EBF3: variants seen among roughly 807,000 people sequenced by gnomAD.
The protein encoded by EBF3 is EBF transcription factor 3.
A neutral mutation model predicts 77.1 loss-of-function variants in EBF3; 18 were observed. The observed-to-expected ratio is 0.23, with a 90% CI of 0.16 to 0.35. The LOEUF is 0.35. Among genes scored for constraint, EBF3 ranks in the 10% least tolerant of loss-of-function variants. The pLI, the probability that EBF3 is intolerant of heterozygous loss-of-function variation, is 1.00. For synonymous variants in EBF3, 350 were observed against 343.5 expected, an observed-to-expected ratio of 1.02 and a Z score of -0.21; for missense variants, 558 against 860.0, an observed-to-expected ratio of 0.65 and a Z score of 4.39.
At chr10:129,852,675 A>AG (rs754683273) in intron 10 of EBF3, among the ~76,000 whole-genome samples, 7 of 152,254 alleles carry the variant, frequency 4.6e-5, no homozygotes, top group Non-Finnish European at 8.8e-5. Flanking sequence ...AAATTAAGCA[A>AG]GGGGACACGT....
intron 6 of EBF3, among the ~76,000 whole-genome samples, chr10:129,918,604 G>T (rs765510114): frequency 6.6e-6 from 1 of 152,154 alleles, no homozygotes; most frequent in Admixed American, 6.5e-5. Flanking sequence ...CTGTGTGTTC[G>T]CATGGTTGTT....
At chr10:129,882,356 A>C (rs913979381) in intron 6 of EBF3, among the ~76,000 whole-genome samples, 1 of 152,384 alleles carries the variant, frequency 6.6e-6, no homozygotes, top group East Asian at 1.9e-4. Flanking sequence ...GGTGTTGTTC[A>C]GGACAATCAG....
At position 129,843,152 on chromosome 10, in the gene EBF3, C is replaced by G; in HGVS notation, c.1179G>C (p.Met393Ile). The change falls in exon 12 of 17, where the codon ATG becomes ATC. Residue 393 changes from methionine to isoleucine, a missense_variant. Transcript: ENST00000440978. ...CTCCACCTACCTGGTTGTTGTGAGG[C>G]ATTCCGTATAAGGCTTCCACCAGGT... ...AADLVEALYG[M>I]PHNNQEIILK... is the part of the protein sequence containing the mutation. The G allele has an allele frequency of 6.2e-7, 1 of 1,613,496 alleles. No homozygotes were observed. The highest frequency in any genetic ancestry group is 2.2e-5 in the East Asian group (1 of 44,854).
rs1857985302 is a variant in EBF3, at chr10:129,943,926, T to C, written c.554+13332A>G. On this transcript the variant is annotated intron_variant, in intron 6 of 16. Coordinates refer to ENST00000440978, the MANE Select transcript of EBF3 (RefSeq NM_001375380.1). This position sits in a 1 kb window ranked among gnomAD's most constrained non-coding sequence, Gnocchi z 8.8. ...ACCGTAAAATGCTCGGTAAAACCAGTCGCTCTGAGGGTGCAGCGCGTGTGT... is the reference window on the plus strand; with the variant it reads ...ACCGTAAAATGCTCGGTAAAACCAGCCGCTCTGAGGGTGCAGCGCGTGTGT... Among the ~76,000 whole-genome samples the C allele has an allele frequency of 6.6e-6, 1 of 152,196 alleles. No homozygotes were observed. The highest frequency in any genetic ancestry group is 2.4e-5 in the African/African-American group (1 of 41,440).
intron 6 of EBF3, among the ~76,000 whole-genome samples, chr10:129,914,527 C>T (rs1331190174): frequency 1.3e-5 from 2 of 152,176 alleles, no homozygotes; most frequent in Non-Finnish European, 2.9e-5. Context: ...TGGCCGAAAA[C>T]AAAGTGAATC....
At chr10:129,945,736 A>G (rs1858160571) in intron 6 of EBF3, among the ~76,000 whole-genome samples, 1 of 152,186 alleles carries the variant, frequency 6.6e-6, no homozygotes. Context: ...CCTGGATCAG[A>G]ACACTCATAT....
At chr10:129,958,697 G>C (rs182910600) in intron 5 of EBF3, among the ~76,000 whole-genome samples, 1 of 152,270 alleles carries the variant, frequency 6.6e-6, no homozygotes, top group East Asian at 1.9e-4. Context: ...ACACTGCAAC[G>C]ACACGGCCCA....
chr10:129,919,715 A>T (rs983524872), intron 6 of EBF3, among the ~76,000 whole-genome samples: 1 of 152,204 alleles, frequency 6.6e-6, no homozygotes, highest in Admixed American at 6.5e-5. Context: ...GGATTTAAAA[A>T]TAACACTGGA....
intron 6 of EBF3, among the ~76,000 whole-genome samples, chr10:129,933,148 G>A (rs559498352): frequency 3.3e-5 from 5 of 152,226 alleles, no homozygotes; most frequent in African/African-American, 1.2e-4. Flanking sequence ...TCCTGATTCC[G>A]CCACGGTGAT....
chr10:129,913,498 A>G (rs950745136), intron 6 of EBF3, among the ~76,000 whole-genome samples: 1 of 152,284 alleles, frequency 6.6e-6, no homozygotes, highest in African/African-American at 2.4e-5. Flanking sequence ...GGGCCTGAGC[A>G]GTATGATGAA....
chr10:129,840,025 G>A (rs1231800520), intron 15 of EBF3, among the ~76,000 whole-genome samples: 2 of 152,250 alleles, frequency 1.3e-5, no homozygotes, highest in African/African-American at 4.8e-5. Flanking sequence ...AGGGTGAGCT[G>A]GACAAAAACC....
At chr10:129,924,932 G>C (rs1026799890) in intron 6 of EBF3, among the ~76,000 whole-genome samples, 1 of 152,118 alleles carries the variant, frequency 6.6e-6, no homozygotes, top group African/African-American at 2.4e-5. Flanking sequence ...CCGAAGCGCC[G>C]AGATGACAGG....
At chr10:129,942,623 C>T (rs942205619) in intron 6 of EBF3, among the ~76,000 whole-genome samples, 3 of 152,194 alleles carry the variant, frequency 2.0e-5, no homozygotes, top group Non-Finnish European at 2.9e-5. Context: ...CTACCACGTC[C>T]ACACAGGGTG....
chr10:129,850,154 G>A (rs1032507506), intron 10 of EBF3, among the ~76,000 whole-genome samples: 7 of 152,220 alleles, frequency 4.6e-5, no homozygotes, highest in African/African-American at 1.4e-4. Flanking sequence ...TAACGTGTCA[G>A]GTTTCTCCTC....
intron 4 of EBF3, among the ~76,000 whole-genome samples, chr10:129,959,386 A>G (rs1859304109): frequency 1.3e-5 from 2 of 151,670 alleles, no homozygotes; most frequent in Admixed American, 1.3e-4. Context: ...CCCCTTCGGC[A>G]TTCCGCGCCG....
At chr10:129,894,496 G>A (rs1854233742) in intron 6 of EBF3, among the ~76,000 whole-genome samples, 1 of 152,148 alleles carries the variant, frequency 6.6e-6, no homozygotes, top group Admixed American at 6.5e-5. Flanking sequence ...CCCCTGCAGG[G>A]CTCGGTGACC....
rs1852096969 is a variant in EBF3, at chr10:129,867,358, C to T, written c.913-91G>A. ...TTGGATATAATTACCAAAATGAGCA[C>T]AAATTGGACCATCGTCTTGGAATGC... On this transcript the variant is annotated intron_variant, in intron 9 of 16. Transcript: ENST00000440978. 21 of 1,558,922 alleles carry T rather than the reference C, an allele frequency of 1.3e-5. No individual in the cohort carries two copies. In the South Asian group the frequency reaches 1.8e-4, roughly 13 times the overall value.
chr10:129,936,634 C>T (rs966047367), intron 6 of EBF3, among the ~76,000 whole-genome samples: 1 of 150,424 alleles, frequency 6.6e-6, no homozygotes, highest in Non-Finnish European at 1.5e-5. Context: ...GCAGGGGACC[C>T]TCAGCTGTGG....
intron 6 of EBF3, among the ~76,000 whole-genome samples, chr10:129,926,298 G>T (rs1457777762): frequency 6.6e-6 from 1 of 152,220 alleles, no homozygotes; most frequent in East Asian, 1.9e-4. Flanking sequence ...CTCCAGTGGG[G>T]AAGGGAGTCC....
Sources: allele counts gnomAD v4.1 joint callset (sites outside exome capture counted in the v4.1 genomes callset), GRCh38; gene constraint gnomAD v4.1.1; non-coding constraint Gnocchi (gnomAD v3.1); transcripts MANE v1.5; gene names NCBI Gene and HGNC (gene_info 2026-07-23, HGNC 2026-07-21).